The following MAP4K3 variants were observed in gnomAD, a reference collection of about 807,000 sequenced individuals.
MAP4K3 encodes the protein mitogen-activated protein kinase kinase kinase kinase 3, also known as MAPK/ERK kinase kinase kinase 3.
In MAP4K3, 94 loss-of-function variants were observed where a neutral mutation model predicts 143.5. The ratio of observed to expected loss-of-function variants is 0.65; its 90% CI spans 0.55 to 0.78. The LOEUF is 0.78. Ranked by LOEUF, MAP4K3 falls within the 30% of genes least tolerant of loss-of-function variation. The pLI is 0.00. For synonymous variants in MAP4K3, 416 were observed against 347.2 expected (o/e 1.20, Z -2.20); for missense variants, 1,077 against 1,068.1 (o/e 1.01, Z -0.12).
At chr2:39,315,886 T>C (rs1355208623) in intron 12 of MAP4K3, among the ~76,000 whole-genome samples, 2 of 152,172 alleles carry the variant, frequency 1.3e-5, no homozygotes, top group Non-Finnish European at 2.9e-5. Context: ...TTTTTTGAAA[T>C]AATTTTTAAA....
chr2:39,412,359 A>G (rs912345023), intron 1 of MAP4K3, among the ~76,000 whole-genome samples: 1 of 152,164 alleles, frequency 6.6e-6, no homozygotes, highest in Non-Finnish European at 1.5e-5. Flanking sequence ...CTGACCTTCT[A>G]TTGTAGTCCA....
intron 1 of MAP4K3, among the ~76,000 whole-genome samples, chr2:39,380,518 T>C (rs1235438528): frequency 1.3e-5 from 2 of 152,200 alleles, no homozygotes. Flanking sequence ...ATAGAAATTA[T>C]AAAATATTAG....
At chr2:39,402,130 T>G (rs1455082573) in intron 1 of MAP4K3, among the ~76,000 whole-genome samples, 1 of 152,080 alleles carries the variant, frequency 6.6e-6, no homozygotes, top group Admixed American at 6.5e-5. Context: ...CAAATCATAT[T>G]AATACATGAA....
Position 39,346,086 on chromosome 2 carries a change from A to T in MAP4K3, c.246-2634T>A, listed in dbSNP as rs897965369. Among the ~76,000 whole-genome samples the T allele has an allele frequency of 7.9e-5, 12 of 152,304 alleles. 1 individual carries two copies. The South Asian group carries it at 1.4e-3, about 18-fold the overall frequency. On this transcript the variant is annotated intron_variant, in intron 3 of 33. Transcript: ENST00000263881. ...ATATGGTAAATACCAATAGCTATAA[A>T]TTATATAAATATGTGCCAGCTGCCC...
chr2:39,375,154 G>A (rs1349678385), intron 2 of MAP4K3, among the ~76,000 whole-genome samples: 1 of 152,132 alleles, frequency 6.6e-6, no homozygotes, highest in Non-Finnish European at 1.5e-5. Flanking sequence ...AGCTACTTGG[G>A]AGACTGAGGT....
chr2:39,312,921 T>G (rs1682989479), intron 13 of MAP4K3, among the ~76,000 whole-genome samples: 1 of 152,182 alleles, frequency 6.6e-6, no homozygotes, highest in Non-Finnish European at 1.5e-5. Flanking sequence ...TGCCCATTTC[T>G]CCCACCAGAT....
chr2:39,291,317 G>C (rs1453895047), intron 18 of MAP4K3, among the ~76,000 whole-genome samples: 1 of 152,044 alleles, frequency 6.6e-6, no homozygotes, highest in Non-Finnish European at 1.5e-5. Flanking sequence ...ACACTTTCTT[G>C]GTTCCAAGTA....
intron 1 of MAP4K3, among the ~76,000 whole-genome samples, chr2:39,431,210 C>A (rs1367834656): frequency 6.6e-6 from 1 of 152,202 alleles, no homozygotes; most frequent in Non-Finnish European, 1.5e-5. Flanking sequence ...GGCCCCTTCA[C>A]TTGCATGGTC....
At chr2:39,350,923 C>T (rs1665438996) in intron 3 of MAP4K3, among the ~76,000 whole-genome samples, 1 of 151,920 alleles carries the variant, frequency 6.6e-6, no homozygotes, top group Admixed American at 6.6e-5. Context: ...CGCAGGTTCA[C>T]CTAACCGGAG....
intron 1 of MAP4K3, among the ~76,000 whole-genome samples, chr2:39,413,059 G>C (rs746757910): frequency 3.3e-5 from 5 of 152,218 alleles, no homozygotes; most frequent in Admixed American, 6.5e-5. Flanking sequence ...ACCCAACAAA[G>C]GATTATAAAA....
chr2:39,376,103 T>C (rs552889720), intron 2 of MAP4K3, among the ~76,000 whole-genome samples: 6 of 152,390 alleles, frequency 3.9e-5, no homozygotes, highest in South Asian at 4.1e-4. Context: ...GGCAAATTTA[T>C]GTTTAACACT....
At chr2:39,354,497 C>T (rs142263200) in intron 3 of MAP4K3, among the ~76,000 whole-genome samples, 184 of 151,548 alleles carry the variant, frequency 1.2e-3, no homozygotes, top group Admixed American at 3.4e-3. Context: ...GTGTGCCTAT[C>T]GTCCTAGCTA....
intron 12 of MAP4K3, among the ~76,000 whole-genome samples, chr2:39,325,006 G>A (rs951215169): frequency 3.3e-5 from 5 of 151,830 alleles, no homozygotes; most frequent in African/African-American, 9.7e-5. Context: ...AGATAGAAAC[G>A]GGGTCTTGCT....
chr2:39,432,154 A>C (rs1665309453), intron 1 of MAP4K3, among the ~76,000 whole-genome samples: 1 of 152,206 alleles, frequency 6.6e-6, no homozygotes, highest in Non-Finnish European at 1.5e-5. Context: ...TTCCTCTCAT[A>C]TTACAGCTGT....
rs766434633 is a variant in MAP4K3 at position 39,250,576 on chromosome 2, T to C, written c.*42A>G. ...GCATCCATTAATGTTGCAGTGGTAG[T>C]GTTCTTTCTTTCTAGAGTTAACTGT... On this transcript the variant is annotated 3_prime_UTR_variant, in exon 34 of 34. Coordinates refer to ENST00000263881, the MANE Select transcript of MAP4K3 (RefSeq NM_003618.4). 8.4e-6 allele frequency: 13 copies of C among 1,545,276 alleles called. No homozygotes were observed. The highest frequency in any genetic ancestry group is 2.7e-5 in the African/African-American group (2 of 73,392).
At chr2:39,267,122 G>A (rs1381459750) in intron 27 of MAP4K3, 67 bp downstream of exon 27, 1 of 1,438,672 alleles carries the variant, frequency 7.0e-7, no homozygotes, top group East Asian at 2.3e-5. Flanking sequence ...CCCTGGGGTA[G>A]TACTGTTTTA....
intron 24 of MAP4K3, among the ~76,000 whole-genome samples, chr2:39,274,384 T>A (rs1437747354): frequency 2.0e-5 from 3 of 149,020 alleles, no homozygotes; most frequent in Non-Finnish European, 4.5e-5. Context: ...GCCCGGCTAA[T>A]TTTTTTTTTG....
intron 12 of MAP4K3, among the ~76,000 whole-genome samples, chr2:39,318,076 C>G (rs536884429): frequency 6.6e-6 from 1 of 152,028 alleles, no homozygotes; most frequent in African/African-American, 2.4e-5. Context: ...TAAAAAAGAA[C>G]GAGATAGTGT....
At chr2:39,257,071 A>G (rs1680369753) in intron 31 of MAP4K3, among the ~76,000 whole-genome samples, 1 of 152,220 alleles carries the variant, frequency 6.6e-6, no homozygotes, top group Non-Finnish European at 1.5e-5. Flanking sequence ...ATGACATTCT[A>G]GTTGGGAGAA....
Sources: gnomAD v4.1 joint callset for allele counts (sites outside exome capture counted in the v4.1 genomes callset) on GRCh38, gnomAD v4.1.1 for gene constraint, MANE v1.5 for transcripts, NCBI Gene and HGNC (gene_info 2026-07-23, HGNC 2026-07-21) for gene names.